Variants in FFAR1 observed in about 807,000 individuals in gnomAD.
The protein encoded by FFAR1 is G-protein coupled receptor 40.
For missense variants in FFAR1, 424 were observed against 396.2 expected (o/e 1.07, Z -0.60); for synonymous variants, 216 against 201.5 (o/e 1.07, Z -0.61).
chr19:35,349,855 A>T (rs1444548978), upstream of FFAR1, among the ~76,000 whole-genome samples: 1 of 152,220 alleles, frequency 6.6e-6, no homozygotes, highest in Non-Finnish European at 1.5e-5. Flanking sequence ...CAGAGACAGA[A>T]TCACAGAGCA....
chr19:35,352,276 C>T (rs1248094844), exon 1 of FFAR1: 4 of 1,552,272 alleles, frequency 2.6e-6, no homozygotes, highest in Non-Finnish European at 3.5e-6. Flanking sequence ...CCCTACAACG[C>T]CTCCAACGTG....
upstream of FFAR1, among the ~76,000 whole-genome samples, chr19:35,349,040 G>C (rs2066933504): frequency 6.6e-6 from 1 of 152,198 alleles, no homozygotes; most frequent in Non-Finnish European, 1.5e-5. Flanking sequence ...CAGGAAGCTA[G>C]GGGGCCAGGA....
exon 1 of FFAR1, chr19:35,352,344 G>C: frequency 1.3e-6 from 2 of 1,552,308 alleles, no homozygotes; most frequent in East Asian, 2.4e-5. Flanking sequence ...GCTCATCACG[G>C]GTGCCTGGAG....
At chr19:35,352,851 G>A (rs2066951703) in exon 1 of FFAR1, 1 of 277,470 alleles carries the variant, frequency 3.6e-6, no homozygotes, top group South Asian at 4.9e-5. Context: ...CAGCTACTCT[G>A]AAATCAGTTC....
At chr19:35,351,929 G>A (rs1215284854) in exon 1 of FFAR1, 2 of 1,614,164 alleles carry the variant, frequency 1.2e-6, no homozygotes, top group Non-Finnish European at 1.7e-6. Context: ...CCTGGGGGGT[G>A]TGCGCGGCCA....
At chr19:35,352,642 C>G (rs41275832) in exon 1 of FFAR1, 2 of 639,658 alleles carry the variant, frequency 3.1e-6, no homozygotes, top group Non-Finnish European at 5.3e-6. Flanking sequence ...AGCCAGAGCA[C>G]GGTGGCAGGG....
exon 1 of FFAR1, chr19:35,352,791 A>C (rs903488842): frequency 1.5e-5 from 6 of 388,124 alleles, no homozygotes; most frequent in African/African-American, 1.2e-4. Context: ...AGGAGGAGGC[A>C]GTCTGTTTCT....
upstream of FFAR1, among the ~76,000 whole-genome samples, chr19:35,348,857 T>C (rs1427366615): frequency 6.6e-6 from 1 of 152,202 alleles, no homozygotes. Context: ...GAGGCAGTCC[T>C]AAGCCTGAAG....
At chr19:35,353,174 A>G (rs1290078411) in exon 1 of FFAR1, 1 of 152,566 alleles carries the variant, frequency 6.6e-6, no homozygotes, top group Non-Finnish European at 1.5e-5. Flanking sequence ...CCCAGTATAT[A>G]AACAATTGAG....
upstream of FFAR1, among the ~76,000 whole-genome samples, chr19:35,349,615 G>A (rs890423987): frequency 3.9e-5 from 6 of 152,206 alleles, no homozygotes; most frequent in African/African-American, 1.4e-4. Flanking sequence ...GGGAGTTAGT[G>A]ATAGGCTGAG....
At chr19:35,351,437 C>G (rs529149169), upstream of FFAR1, 54 of 895,538 alleles carry the variant, frequency 6.0e-5, no homozygotes, top group African/African-American at 7.7e-4. Context: ...TAATTCTCCA[C>G]ACAGGGCTGG....
At chr19:35,350,664 G>T (rs1321609372), upstream of FFAR1, among the ~76,000 whole-genome samples, 1 of 152,130 alleles carries the variant, frequency 6.6e-6, no homozygotes, top group Non-Finnish European at 1.5e-5. Context: ...CTCTGGCGTG[G>T]CCTCACCTCC....
chr19:35,352,247 G>A (rs774772392), exon 1 of FFAR1: 1 of 1,557,794 alleles, frequency 6.4e-7, no homozygotes, highest in Non-Finnish European at 8.7e-7. Context: ...CCCTCCTCAC[G>A]CTGCTGCTCT....
At chr19:35,350,678 C>T (rs932475219), upstream of FFAR1, among the ~76,000 whole-genome samples, 12 of 152,316 alleles carry the variant, frequency 7.9e-5, no homozygotes, top group African/African-American at 1.9e-4. Context: ...CACCTCCAGC[C>T]GGGATGCCCC....
exon 1 of FFAR1, chr19:35,351,932 C>T (rs2066946737): frequency 1.2e-6 from 2 of 1,613,996 alleles, no homozygotes; most frequent in African/African-American, 2.7e-5. Flanking sequence ...GGGGGGTGTG[C>T]GCGGCCATCT....
At chr19:35,353,811 G>T (rs144494170) in exon 1 of FFAR1, 15 of 152,318 alleles carry the variant, frequency 9.8e-5, no homozygotes, top group African/African-American at 3.4e-4. Flanking sequence ...CCGCATTTGG[G>T]GCCAAGGGGG....
exon 1 of FFAR1, chr19:35,351,749 G>T (rs1241675832): frequency 3.2e-6 from 5 of 1,563,064 alleles, no homozygotes; most frequent in African/African-American, 2.7e-5. Context: ...CGGTGGAGGC[G>T]CTAGCCTCCG....
chr19:35,352,593 C>A (rs542569546), exon 1 of FFAR1: 255 of 903,092 alleles, frequency 2.8e-4, no homozygotes, highest in Non-Finnish European at 4.0e-4. Flanking sequence ...GAGAGCGGCG[C>A]CTGCTGAGGG....
exon 1 of FFAR1, chr19:35,352,592 G>A (rs1599702229): frequency 8.9e-6 from 8 of 896,952 alleles, no homozygotes; most frequent in Non-Finnish European, 1.3e-5. Context: ...AGAGAGCGGC[G>A]CCTGCTGAGG....
Sources: gnomAD v4.1 joint callset for allele counts (sites outside exome capture counted in the v4.1 genomes callset) on GRCh38, gnomAD v4.1.1 for gene constraint, MANE v1.5 for transcripts, NCBI Gene and HGNC (gene_info 2026-07-23, HGNC 2026-07-21) for gene names.